Variants in POLR1B observed in about 807,000 individuals in gnomAD.
The protein encoded by POLR1B is DNA-directed RNA polymerase I subunit RPA2.
In POLR1B, 30 loss-of-function variants were observed where a neutral mutation model predicts 105.8. The ratio of observed to expected loss-of-function variants is 0.28; its 90% CI spans 0.21 to 0.38. The LOEUF (loss-of-function observed/expected upper bound fraction) is 0.38. Among genes scored for constraint, POLR1B ranks in the 10% least tolerant of loss-of-function variants. The pLI, the probability that POLR1B is intolerant of heterozygous loss-of-function variation, is 1.00. For missense variants in POLR1B, 976 were observed against 1,435.8 expected, an observed-to-expected ratio of 0.68 and a Z score of 5.17; for synonymous variants, 485 against 505.1, an observed-to-expected ratio of 0.96 and a Z score of 0.53.
Position 112,567,479 on chromosome 2 carries a change from A to T in POLR1B, c.1747-488A>T, listed in dbSNP as rs148027542. Among the ~76,000 whole-genome samples, 753 of 152,136 alleles carry T rather than the reference A, an allele frequency of 4.9e-3. 11 individuals are homozygous for T. Among genetic ancestry groups the T allele is most frequent in the Admixed American group, 0.036 (546 of 15,270 alleles). On this transcript the variant is annotated intron_variant, in intron 10 of 14. Coordinates refer to ENST00000263331, the MANE Select transcript of POLR1B (RefSeq NM_019014.6). ...ACTGCAGCCTCAACCTCCTGGGCTCAAGTGATCCTCCCACCTCAGCCTCCC... is the reference window on the plus strand; with the variant it reads ...ACTGCAGCCTCAACCTCCTGGGCTCTAGTGATCCTCCCACCTCAGCCTCCC...
At chr2:112,574,477 T>G (rs1278863588) in intron 14 of POLR1B, among the ~76,000 whole-genome samples, 1 of 152,136 alleles carries the variant, frequency 6.6e-6, no homozygotes, top group East Asian at 1.9e-4. Flanking sequence ...CCCAACACTT[T>G]GGGAGACCAA....
chr2:112,546,337 G>A (rs1202151320), intron 1 of POLR1B, among the ~76,000 whole-genome samples: 1 of 152,114 alleles, frequency 6.6e-6, no homozygotes, highest in Non-Finnish European at 1.5e-5. Flanking sequence ...TCTATTAGCA[G>A]TAGTCCCATT....
chr2:112,555,460 C>T (rs188392117), intron 7 of POLR1B, among the ~76,000 whole-genome samples: 2 of 152,254 alleles, frequency 1.3e-5, no homozygotes, highest in Admixed American at 1.3e-4. Context: ...GGGCAAACAG[C>T]CCAGAGACAA....
chr2:112,575,835 G>A lies in POLR1B; in HGVS notation c.*106G>A. 1.6e-6 allele frequency: 2 copies of A among 1,273,542 alleles called. No homozygotes were observed. The highest frequency in any genetic ancestry group is 2.2e-6 in the Non-Finnish European group (2 of 929,668). The allele number at this position is 1,273,542 out of a possible 1,614,324, so 78.9% of individuals were successfully genotyped here. On this transcript the variant is annotated 3_prime_UTR_variant, in exon 15 of 15. Coordinates refer to ENST00000263331, the MANE Select transcript of POLR1B (RefSeq NM_019014.6). The surrounding 1 kb of genome is among the most constrained non-coding windows in gnomAD (Gnocchi z 5.3). ...AGGTTACTCTTGAGATTTTTCAACG[G>A]TGTTAGAACTCTCAACCAAGACCTG... is the stretch of plus-strand genomic sequence containing the variant.
rs1683236909 is a variant in POLR1B at position 112,549,314 on chromosome 2, A to T, written c.540A>T (p.Arg180=). The T allele has an allele frequency of 6.2e-7, 1 of 1,613,594 alleles. No individual in the cohort carries two copies. The highest frequency in any genetic ancestry group is 8.5e-7 in the Non-Finnish European group (1 of 1,179,736). ...FIINGIEKVI[R]MLIMPRRNFP... The stretch of plus-strand genomic sequence containing the variant: ...TCAATGGCATTGAAAAAGTCATCCG[A>T]ATGTTGATTATGCCTCGGAGAAATT... The change falls in exon 4 of 15, where the codon CGA becomes CGT. Residue 180 remains arginine, a synonymous_variant. Transcript: ENST00000263331.
At position 112,575,556 on chromosome 2, in the gene POLR1B, C is replaced by T. The variant is rs1242704313; in HGVS notation, c.3235C>T (p.Pro1079Ser). 1.2e-6 allele frequency: 2 copies of T among 1,614,038 alleles called. No individual in the cohort carries two copies. Among genetic ancestry groups the T allele is most frequent in the Non-Finnish European group, 1.7e-6 (2 of 1,180,040 alleles). Residue 1079 changes from proline (P) to serine (S), a missense_variant, in exon 15 of 15, where the codon CCA becomes TCA. This residue lies in a region of POLR1B where 77 missense variants were observed against 104.5 expected (regional missense o/e 0.74). Transcript: ENST00000263331. The surrounding 1 kb of genome is among the most constrained non-coding windows in gnomAD (Gnocchi z 5.3). ...VCVKCGSLLS[P>S]LLEKPPPSWS... Reference sequence around the variant, plus strand: ...TGTGAAGTGTGGCAGTTTACTCTCTCCACTGTTGGAGAAGCCACCCCCTTC... The same window carrying T: ...TGTGAAGTGTGGCAGTTTACTCTCTTCACTGTTGGAGAAGCCACCCCCTTC...
upstream of POLR1B, chr2:112,542,089 G>A: frequency 6.5e-7 from 1 of 1,534,954 alleles, no homozygotes. Flanking sequence ...CTGGGAACAG[G>A]TGAAGGGAAA....
In POLR1B at chr2:112,575,710, T is replaced by C. The variant is rs750322309; in HGVS notation, c.3389T>C (p.Val1130Ala). Reference protein sequence around the residue: ...VAELAAMNIKVKLDVV With the variant: ...VAELAAMNIKAKLDVV ...GAACTGGCAGCTATGAACATCAAAG[T>C]GAAACTGGATGTTGTTTAACTTGAT... The change falls in exon 15 of 15, where the codon GTG becomes GCG. Residue 1130 changes from valine (V) to alanine (A), a missense_variant. Around this residue, in one of 12 missense-constraint regions of POLR1B, gnomAD observed 77 missense variants for 104.5 expected, o/e 0.74. Coordinates refer to ENST00000263331, the MANE Select transcript of POLR1B (RefSeq NM_019014.6). The surrounding 1 kb of genome is among the most constrained non-coding windows in gnomAD (Gnocchi z 5.3). The C allele has an allele frequency of 6.2e-7, 1 of 1,610,468 alleles. No homozygotes were observed. The highest frequency in any genetic ancestry group is 1.3e-5 in the African/African-American group (1 of 75,024).
Position 112,578,489 on chromosome 2 carries a change from C to T in POLR1B, c.*2760C>T, listed in dbSNP as rs1684962012. On this transcript the variant is annotated 3_prime_UTR_variant, in exon 15 of 15. Coordinates refer to ENST00000263331, the MANE Select transcript of POLR1B (RefSeq NM_019014.6). ...GATACATCCAGGTAGTTGCATGTAT[C>T]AATAGTTAATTCCTTTTTATTGCTA... 2.0e-5 allele frequency among the ~76,000 whole-genome samples: 3 copies of T among 152,068 alleles called. No homozygotes were observed. Among genetic ancestry groups the T allele is most frequent in the African/African-American group, 7.2e-5 (3 of 41,404 alleles).
Position 112,576,524 on chromosome 2 carries a change from G to A in POLR1B, c.*795G>A, listed in dbSNP as rs1684867143. The A allele has an allele frequency of 6.6e-6, 1 of 152,084 alleles. No homozygotes were observed. Among genetic ancestry groups the A allele is most frequent in the African/African-American group, 2.4e-5 (1 of 41,376 alleles). 9.4% of individuals were successfully genotyped at this position (152,084 alleles called of 1,614,324 possible). A position where few individuals can be genotyped will look rare whatever the true frequency, so the allele number is the denominator to read the frequency against. ...CTGTTGAACAACTCTCCATTTCCCT[G>A]GCCCCTAGCAACCACCCTTCTACCC... On this transcript the variant is annotated 3_prime_UTR_variant, in exon 15 of 15. Coordinates refer to ENST00000263331, the MANE Select transcript of POLR1B (RefSeq NM_019014.6).
chr2:112,549,937 G>A (rs977266271), intron 4 of POLR1B, among the ~76,000 whole-genome samples: 3 of 146,464 alleles, frequency 2.0e-5, no homozygotes, highest in Admixed American at 6.9e-5. Context: ...ATATGTATAT[G>A]TATATTCAAG....
chr2:112,568,620 A>C (rs971854574), intron 11 of POLR1B, 126 bp from the exon 12 acceptor site: 1 of 1,060,332 alleles, frequency 9.4e-7, no homozygotes, highest in Non-Finnish European at 1.4e-6. Context: ...TGATCCCTTC[A>C]GCACTCATGA....
At chr2:112,562,810 C>T (rs1357003087) in intron 9 of POLR1B, among the ~76,000 whole-genome samples, 2 of 149,462 alleles carry the variant, frequency 1.3e-5, no homozygotes, top group African/African-American at 5.0e-5. Context: ...ACCGCAACCT[C>T]CACCTCCCAG....
chr2:112,559,193 T>G, intron 8 of POLR1B, 100 bp from the exon 9 acceptor site: 10 of 1,310,894 alleles, frequency 7.6e-6, no homozygotes, highest in Non-Finnish European at 1.1e-5. Flanking sequence ...ATTCATTCTA[T>G]GATCTGTAGA....
At chr2:112,553,899 GAA>G (rs945132551) in intron 7 of POLR1B, among the ~76,000 whole-genome samples, 25 of 152,240 alleles carry the variant, frequency 1.6e-4, no homozygotes, top group Non-Finnish European at 2.8e-4. Context: ...TATATAGAGA[GAA>G]AGTTGGCATG....
intron 9 of POLR1B, among the ~76,000 whole-genome samples, chr2:112,560,947 C>G (rs1487221164): frequency 6.6e-6 from 1 of 151,978 alleles, no homozygotes; most frequent in Non-Finnish European, 1.5e-5. Context: ...TGCCTGTGGT[C>G]CCAGCTACTC....
At chr2:112,555,644 C>T (rs1210971929) in intron 7 of POLR1B, among the ~76,000 whole-genome samples, 1 of 152,150 alleles carries the variant, frequency 6.6e-6, no homozygotes, top group Non-Finnish European at 1.5e-5. Flanking sequence ...AGAGCAAGAC[C>T]CTGTCTCAAC....
Position 112,542,506 on chromosome 2 carries a change from C to A in POLR1B, c.12C>A (p.Gly4=), listed in dbSNP as rs998100599. 6.2e-7 allele frequency: 1 copy of A among 1,613,942 alleles called. No individual in the cohort carries two copies. The highest frequency in any genetic ancestry group is 8.5e-7 in the Non-Finnish European group (1 of 1,180,032). ...GTGCAGGTGGCCACATGGATCCTGG[C>A]AGCCGGTGGCGGAACCTGCCCAGCG... MDP[G]SRWRNLPSGP... Residue 4 remains glycine, a synonymous_variant, in exon 1 of 15, where the codon GGC becomes GGA. Transcript: ENST00000263331.
intron 7 of POLR1B, among the ~76,000 whole-genome samples, 186 bp from the exon 8 acceptor site, chr2:112,557,724 G>GCCCCCC (rs1574108875): frequency 6.6e-6 from 1 of 150,636 alleles, no homozygotes; most frequent in African/African-American, 2.4e-5. Context: ...CTACAGGCAC[G>GCCCCCC]CCCCACCCCC....
Sources: gnomAD v4.1 joint callset for allele counts (sites outside exome capture counted in the v4.1 genomes callset) on GRCh38, gnomAD v4.1.1 for gene constraint, gnomAD v4.1.1 regional missense constraint, Gnocchi (gnomAD v3.1) non-coding constraint, MANE v1.5 for transcripts, NCBI Gene and HGNC (gene_info 2026-07-23, HGNC 2026-07-21) for gene names.